The following HS3ST4 variants were observed in gnomAD, a reference collection of about 807,000 sequenced individuals.
HS3ST4 encodes the protein heparan sulfate glucosamine 3-O-sulfotransferase 4.
HS3ST4 carries 17 observed loss-of-function variants against 29.2 expected under a neutral mutation model. That is an observed-to-expected ratio of 0.58 (90% CI 0.40 to 0.87). The LOEUF (loss-of-function observed/expected upper bound fraction) is 0.87, where lower values mean the gene tolerates loss of function less well. Among genes scored for constraint, HS3ST4 ranks in the 40% least tolerant of loss-of-function variants. HS3ST4 has a pLI of 0.00. For missense variants in HS3ST4, 627 were observed against 634.5 expected (o/e 0.99, Z 0.13); for synonymous variants, 314 against 285.7 (o/e 1.10, Z -1.00).
intron 1 of HS3ST4, among the ~76,000 whole-genome samples, chr16:25,913,878 G>T (rs1160591137): frequency 5.4e-5 from 8 of 148,466 alleles, no homozygotes; most frequent in African/African-American, 2.0e-4. Context: ...GGTGTGTGTG[G>T]GGTATAGTAT....
intron 1 of HS3ST4, among the ~76,000 whole-genome samples, chr16:25,742,687 C>T (rs919981487): frequency 6.6e-6 from 1 of 152,228 alleles, no homozygotes; most frequent in African/African-American, 2.4e-5. Context: ...TAGCATTTGG[C>T]TATTTCCATG....
At chr16:25,879,642 G>C (rs1463189770) in intron 1 of HS3ST4, among the ~76,000 whole-genome samples, 1 of 152,062 alleles carries the variant, frequency 6.6e-6, no homozygotes, top group Non-Finnish European at 1.5e-5. Flanking sequence ...GATTAGATTT[G>C]GGTGAGGACA....
chr16:25,913,238 T>C (rs1968257729), intron 1 of HS3ST4, among the ~76,000 whole-genome samples: 1 of 152,224 alleles, frequency 6.6e-6, no homozygotes, highest in South Asian at 2.1e-4. Flanking sequence ...GTTCATATGC[T>C]GAAACTCATG....
intron 1 of HS3ST4, among the ~76,000 whole-genome samples, chr16:26,099,147 G>A (rs1335033221): frequency 6.6e-6 from 1 of 152,082 alleles, no homozygotes; most frequent in Non-Finnish European, 1.5e-5. Flanking sequence ...CAAACATCTG[G>A]TATATGTCAG....
intron 1 of HS3ST4, among the ~76,000 whole-genome samples, chr16:25,810,887 T>G (rs1366511645): frequency 6.6e-6 from 1 of 152,168 alleles, no homozygotes; most frequent in Non-Finnish European, 1.5e-5. Flanking sequence ...TATTTTTAAG[T>G]GTGAGAAAAA....
intron 1 of HS3ST4, among the ~76,000 whole-genome samples, chr16:26,049,330 C>T (rs533313819): frequency 1.2e-5 from 1 of 86,626 alleles, no homozygotes; most frequent in African/African-American, 3.7e-5. Flanking sequence ...CTGGGAAGTC[C>T]GGAGGTCTAC....
chr16:25,867,652 G>T (rs1967710239), intron 1 of HS3ST4, among the ~76,000 whole-genome samples: 2 of 152,160 alleles, frequency 1.3e-5, no homozygotes, highest in African/African-American at 2.4e-5. Context: ...TTCTGTGTAG[G>T]TTTTAATTCT....
At position 25,888,431 on chromosome 16, in the gene HS3ST4, AGCTTCAGGTT is replaced by A. The variant is rs377743398; in HGVS notation, c.734+195283_734+195292del. ...TTCTTGTGATAAGATAGTTTTCAGA[AGCTTCAGGTT>A]GCATCCTTTCTCCGCAGTCACCCCA... On this transcript the variant is annotated intron_variant, in intron 1 of 1. Transcript: ENST00000331351. Among the ~76,000 whole-genome samples the A allele has an allele frequency of 7.1e-4, 108 of 152,278 alleles. No individual in the cohort carries two copies. The Middle Eastern group carries it at 0.017, about 24-fold the overall frequency.
At chr16:26,119,016 C>G (rs183093693) in intron 1 of HS3ST4, among the ~76,000 whole-genome samples, 3 of 152,272 alleles carry the variant, frequency 2.0e-5, no homozygotes, top group Admixed American at 1.3e-4. Flanking sequence ...TTACTCAATC[C>G]TCACAATAAT....
At chr16:26,046,806 A>G (rs117002468) in intron 1 of HS3ST4, among the ~76,000 whole-genome samples, 1,624 of 152,226 alleles carry the variant, frequency 0.011, 9 homozygotes, top group Non-Finnish European at 0.019. Context: ...TTTTACATTC[A>G]TTTAATCTGC....
At chr16:25,755,538 G>C (rs944163995) in intron 1 of HS3ST4, among the ~76,000 whole-genome samples, 4 of 152,186 alleles carry the variant, frequency 2.6e-5, no homozygotes, top group Admixed American at 2.6e-4. Flanking sequence ...TAGATCATGT[G>C]GTTCTAGGTC....
At chr16:25,735,640 C>T (rs560413559) in intron 1 of HS3ST4, among the ~76,000 whole-genome samples, 14 of 152,302 alleles carry the variant, frequency 9.2e-5, no homozygotes, top group South Asian at 4.1e-4. Flanking sequence ...GTCCTCCTGC[C>T]GTGGCCTCCC....
At chr16:25,701,048 A>G (rs532832671) in intron 1 of HS3ST4, among the ~76,000 whole-genome samples, 2 of 152,300 alleles carry the variant, frequency 1.3e-5, no homozygotes, top group South Asian at 4.1e-4. Context: ...ACTTGGTTTC[A>G]GGAAAAACTG....
At chr16:25,735,862 G>A (rs1966605510) in intron 1 of HS3ST4, among the ~76,000 whole-genome samples, 1 of 152,180 alleles carries the variant, frequency 6.6e-6, no homozygotes, top group African/African-American at 2.4e-5. Context: ...CTAGGGGGTG[G>A]CATCAGCCTG....
intron 1 of HS3ST4, among the ~76,000 whole-genome samples, chr16:26,064,610 CTTTTTTTTTTT>C (rs869047078): frequency 2.2e-5 from 2 of 88,962 alleles, no homozygotes; most frequent in Non-Finnish European, 4.3e-5. Flanking sequence ...GGATTGTAGT[CTTTTTTTTTTT>C]TTTTTTTTTT....
At chr16:25,776,422 A>G (rs1298754962) in intron 1 of HS3ST4, among the ~76,000 whole-genome samples, 1 of 152,006 alleles carries the variant, frequency 6.6e-6, no homozygotes, top group African/African-American at 2.4e-5. Flanking sequence ...TCTCTTATCT[A>G]CCTATGACCT....
At chr16:25,980,728 G>A (rs1968995835) in intron 1 of HS3ST4, among the ~76,000 whole-genome samples, 1 of 152,118 alleles carries the variant, frequency 6.6e-6, no homozygotes, top group Non-Finnish European at 1.5e-5. Context: ...ATAAAACACA[G>A]ACAAGGAAAT....
chr16:25,896,371 C>T (rs1968064974), intron 1 of HS3ST4, among the ~76,000 whole-genome samples: 1 of 152,144 alleles, frequency 6.6e-6, no homozygotes, highest in Non-Finnish European at 1.5e-5. Context: ...AGAAGACATA[C>T]AGGCAGGTAA....
rs149578443 is a variant in HS3ST4 at position 25,967,301 on chromosome 16, G to A, written c.735-168311G>A. ...CCCCAGTAGCTGGGACTACAGGTTC[G>A]AGCCACCACACCCACCTAATTTTTG... On this transcript the variant is annotated intron_variant, in intron 1 of 1. Transcript: ENST00000331351. Among the ~76,000 whole-genome samples the A allele has an allele frequency of 8.4e-3, 1,284 of 152,100 alleles. 21 individuals are homozygous for A. The highest frequency in any genetic ancestry group is 0.029 in the African/African-American group (1,207 of 41,466).
Sources: gnomAD v4.1 joint callset for allele counts (sites outside exome capture counted in the v4.1 genomes callset) on GRCh38, gnomAD v4.1.1 for gene constraint, MANE v1.5 for transcripts, NCBI Gene and HGNC (gene_info 2026-07-23, HGNC 2026-07-21) for gene names.